The following RPS6KA6 variants were observed in gnomAD, a reference collection of about 807,000 sequenced individuals.
RPS6KA6 encodes ribosomal protein S6 kinase alpha-6.
Under a neutral mutation model 65.4 loss-of-function variants are expected in RPS6KA6, and 27 were observed. The observed-to-expected ratio is 0.41, with a 90% CI of 0.30 to 0.57. RPS6KA6 has a LOEUF of 0.57. Among genes scored for constraint, RPS6KA6 ranks in the 20% least tolerant of loss-of-function variants. RPS6KA6 has a pLI of 0.24. For missense variants in RPS6KA6, 486 were observed against 555.6 expected (o/e 0.87, Z 1.26); for synonymous variants, 190 against 184.2 (o/e 1.03, Z -0.26).
chrX:84,122,772 T>C (rs1421616412), intron 8 of RPS6KA6, among the ~76,000 whole-genome samples: 4 of 111,144 alleles, frequency 3.6e-5, no homozygotes, highest in Non-Finnish European at 5.7e-5. Context: ...CAGTCTAAGA[T>C]GCAAACCCTG....
chrX:84,152,291 A>C (rs2035341014), intron 3 of RPS6KA6, among the ~76,000 whole-genome samples: 1 of 110,544 alleles, frequency 9.0e-6, no homozygotes, highest in African/African-American at 3.3e-5. Context: ...CAACTACAAA[A>C]GTAGTTCTTT....
At chrX:84,130,625 A>G (rs917345010) in intron 8 of RPS6KA6, among the ~76,000 whole-genome samples, 4 of 111,952 alleles carry the variant, frequency 3.6e-5, no homozygotes, top group African/African-American at 1.3e-4. Context: ...TGAGGAATGG[A>G]TAAACAAATC....
chrX:84,162,123 A>C (rs777071201), intron 2 of RPS6KA6, among the ~76,000 whole-genome samples: 8 of 110,828 alleles, frequency 7.2e-5, no homozygotes, highest in Non-Finnish European at 1.3e-4. Flanking sequence ...AAGAAGTAGG[A>C]TACTAGGTGG....
chrX:84,066,791 C>A (rs377604344), intron 20 of RPS6KA6, among the ~76,000 whole-genome samples: 1 of 112,045 alleles, frequency 8.9e-6, no homozygotes, highest in East Asian at 2.8e-4. Flanking sequence ...CAGACTGCCT[C>A]CTAAAGTGGG....
chrX:84,171,614 G>C (rs1421402865), intron 1 of RPS6KA6, among the ~76,000 whole-genome samples: 4 of 111,323 alleles, frequency 3.6e-5, no homozygotes, highest in African/African-American at 1.3e-4. Flanking sequence ...CTTTAATCCT[G>C]CTTTCCGAAA....
chrX:84,068,512 A>G (rs2033454483), intron 20 of RPS6KA6, among the ~76,000 whole-genome samples: 1 of 111,952 alleles, frequency 8.9e-6, no homozygotes, highest in African/African-American at 3.2e-5. Context: ...ATACCAGCAC[A>G]AGACAAGGAT....
intron 8 of RPS6KA6, among the ~76,000 whole-genome samples, chrX:84,133,113 A>G (rs542964074): frequency 1.8e-5 from 2 of 112,132 alleles, no homozygotes; most frequent in African/African-American, 6.5e-5. Context: ...AACGCTAAGC[A>G]TGTGGGAGTT....
intron 5 of RPS6KA6, 92 bp from the exon 6 acceptor site, chrX:84,145,649 A>G (rs2035186245): frequency 2.2e-6 from 1 of 462,795 alleles, no homozygotes; most frequent in Non-Finnish European, 3.5e-6. Context: ...AGAATTTTAC[A>G]GTATTTACTC....
At position 84,064,003 on chromosome X, in the gene RPS6KA6, G is replaced by T; in HGVS notation, c.*274C>A. ...ATATTAAAGTAACTTTATTTGAAAG[G>T]AATTTTAGAAGCTTGTGTGCAGAGA... On this transcript the variant is annotated 3_prime_UTR_variant, in exon 22 of 22. Coordinates refer to ENST00000262752, the MANE Select transcript of RPS6KA6 (RefSeq NM_014496.5). 1 of 236,277 alleles carries T rather than the reference G, an allele frequency of 4.2e-6. No homozygotes were observed. The highest frequency in any genetic ancestry group is 7.5e-6 in the Non-Finnish European group (1 of 133,568). The allele number at this position is 236,277 out of a possible 1,213,427, so 19.5% of individuals were successfully genotyped here.
intron 2 of RPS6KA6, among the ~76,000 whole-genome samples, chrX:84,162,355 C>T (rs2035527968): frequency 9.0e-6 from 1 of 111,277 alleles, no homozygotes; most frequent in Non-Finnish European, 1.9e-5. Flanking sequence ...GTTTTATTGA[C>T]ACAAATTGAG....
chrX:84,107,711 T>A lies in RPS6KA6; in HGVS notation c.1023A>T (p.Arg341Ser). 8.7e-7 allele frequency: 1 copy of A among 1,146,165 alleles called. No individual in the cohort carries two copies. The highest frequency in any genetic ancestry group is 1.2e-6 in the Non-Finnish European group (1 of 839,911). 94.5% of individuals were successfully genotyped at this position (1,146,165 alleles called of 1,213,427 possible). Residue 341 changes from arginine (R) to serine (S), a missense_variant, in exon 13 of 22, where the codon AGA (arginine) becomes AGT (serine). Around this residue, in one of 3 missense-constraint regions of RPS6KA6, gnomAD observed 345 missense variants for 375.0 expected, o/e 0.92. Transcript: ENST00000262752. ...CAGGTTTGAAAGGAGGTTGAACTTC[T>A]CTTTTATATAATTTCTAGAAGGGAC... The part of the protein sequence containing the change: ...ANIDWDKLYK[R>S]EVQPPFKPAS...
Position 84,131,879 on chromosome X carries a change from C to G in RPS6KA6, c.646+2903G>C, listed in dbSNP as rs769411798. Among the ~76,000 whole-genome samples the G allele has an allele frequency of 5.4e-5, 6 of 111,679 alleles. No individual in the cohort carries two copies. The East Asian group carries it at 1.1e-3, about 21-fold the overall frequency. On this transcript the variant is annotated intron_variant, in intron 8 of 21. Coordinates refer to ENST00000262752, the MANE Select transcript of RPS6KA6 (RefSeq NM_014496.5). Reference sequence around the variant, plus strand: ...TTTCACATCTTTGTAATCTAAATGACTCTTTTCTAAGACTTTAAACTTTAA... The same window carrying G: ...TTTCACATCTTTGTAATCTAAATGAGTCTTTTCTAAGACTTTAAACTTTAA...
intron 2 of RPS6KA6, among the ~76,000 whole-genome samples, chrX:84,160,739 G>A (rs1231191360): frequency 4.5e-5 from 5 of 110,880 alleles, no homozygotes; most frequent in African/African-American, 1.6e-4. Context: ...AGAGCAGCTC[G>A]ATATACCCTT....
intron 6 of RPS6KA6, among the ~76,000 whole-genome samples, chrX:84,136,895 A>C (rs1252596768): frequency 8.9e-6 from 1 of 111,893 alleles, no homozygotes; most frequent in Non-Finnish European, 1.9e-5. Flanking sequence ...CTAGTTAAGA[A>C]GGAGGCCCAA....
chrX:84,170,590 A>C (rs2035667633), intron 1 of RPS6KA6, among the ~76,000 whole-genome samples: 1 of 111,350 alleles, frequency 9.0e-6, no homozygotes, highest in African/African-American at 3.3e-5. Flanking sequence ...AGATCACGCC[A>C]CTGCATTCCA....
intron 6 of RPS6KA6, among the ~76,000 whole-genome samples, chrX:84,144,324 A>C (rs1296783093): frequency 9.2e-6 from 1 of 108,742 alleles, no homozygotes; most frequent in African/African-American, 3.3e-5. Flanking sequence ...AACTCTCAAA[A>C]CTCAATAAGA....
intron 6 of RPS6KA6, among the ~76,000 whole-genome samples, chrX:84,143,393 C>A (rs974802379): frequency 9.0e-6 from 1 of 110,823 alleles, no homozygotes; most frequent in Non-Finnish European, 1.9e-5. Context: ...CACAAAAAAT[C>A]GGTTGTGTTT....
intron 6 of RPS6KA6, among the ~76,000 whole-genome samples, chrX:84,141,158 G>T (rs2035095245): frequency 9.0e-6 from 1 of 111,185 alleles, no homozygotes; most frequent in South Asian, 3.7e-4. Context: ...CAGTAAAAAT[G>T]ACTATGCAAG....
intron 20 of RPS6KA6, among the ~76,000 whole-genome samples, chrX:84,067,752 C>T (rs1394357786): frequency 9.9e-5 from 11 of 111,273 alleles, no homozygotes; most frequent in African/African-American, 3.6e-4. Context: ...CATTCAAATT[C>T]AGGAAATACA....
Sources: gnomAD v4.1 joint callset for allele counts (sites outside exome capture counted in the v4.1 genomes callset) on GRCh38, gnomAD v4.1.1 for gene constraint, gnomAD v4.1.1 regional missense constraint, MANE v1.5 for transcripts, NCBI Gene and HGNC (gene_info 2026-07-23, HGNC 2026-07-21) for gene names.